The following MDN1 variants were observed in gnomAD, a reference collection of about 807,000 sequenced individuals.
The protein encoded by MDN1 is midasin AAA ATPase 1, also known as midasin.
In MDN1, 266 loss-of-function variants were observed where a neutral mutation model predicts 669.2. That is an observed-to-expected ratio of 0.40 (90% CI 0.36 to 0.44). The LOEUF is 0.44. MDN1 is among the 20% of genes least tolerant of loss of function. The pLI, the probability that MDN1 is intolerant of heterozygous loss-of-function variation, is 1.00. For missense variants in MDN1, 5,940 were observed against 6,754.0 expected (o/e 0.88, Z 4.22); for synonymous variants, 2,385 against 2,457.1 (o/e 0.97, Z 0.87).
Position 89,700,223 on chromosome 6 carries a change from C to T in MDN1, c.8710G>A (p.Glu2904Lys), listed in dbSNP as rs749929215. ...KAKGLSLGFL[E>K]KKHDEASSLS... ...GAGGAAGCTTCATCATGCTTTTTCT[C>T]CAGAAAACCAAGTGAGAGTCCTTTG... The change falls in exon 57 of 102, where the codon GAG (glutamate) becomes AAG (lysine). Residue 2904 changes from glutamate (E) to lysine (K), a missense_variant. Transcript: ENST00000369393. 7 of 1,614,042 alleles carry T rather than the reference C, an allele frequency of 4.3e-6. No individual in the cohort carries two copies. The highest frequency in any genetic ancestry group is 3.4e-6 in the Non-Finnish European group (4 of 1,180,034).
At position 89,656,772 on chromosome 6, in the gene MDN1, G is replaced by T; in HGVS notation, c.15213C>A (p.Asn5071Lys). The T allele has an allele frequency of 1.2e-6, 2 of 1,613,684 alleles. No homozygotes were observed. Among genetic ancestry groups the T allele is most frequent in the Non-Finnish European group, 8.5e-7 (1 of 1,179,768 alleles). ...AATTCGATTCATGGCCTTCTGCCTG[G>T]TTTGCATCTGCAGCTCCACTTCCGT... Reference protein sequence around the residue: ...EEHGSGAADANQAEGHESNFI... With the variant: ...EEHGSGAADAKQAEGHESNFI... Residue 5071 changes from asparagine to lysine, a missense_variant, in exon 91 of 102, where the codon AAC becomes AAA. Around this residue, in one of 5 missense-constraint regions of MDN1, gnomAD observed 2,280 missense variants for 2,576.3 expected, o/e 0.88. Transcript: ENST00000369393.
intron 53 of MDN1, among the ~76,000 whole-genome samples, chr6:89,703,419 A>G (rs767516894): frequency 4.6e-5 from 7 of 151,664 alleles, no homozygotes; most frequent in Admixed American, 6.6e-5. Context: ...TTAAATGTCT[A>G]TTCTTAAGAC....
intron 1 of MDN1, among the ~76,000 whole-genome samples, chr6:89,810,398 TGTAC>T (rs1190446597): frequency 6.6e-6 from 1 of 152,088 alleles, no homozygotes; most frequent in Non-Finnish European, 1.5e-5. Context: ...ATCGTGCCAC[TGTAC>T]TCTAGCCTGG....
At position 89,747,617 on chromosome 6, in the gene MDN1, C is replaced by T. The variant is rs541611155; in HGVS notation, c.3763-147G>A. ...GAATAAGATTAATTTTTTGGCCGGG[C>T]GTGGTGGCTCAAGCCTGTAATCCCA... is the stretch of plus-strand genomic sequence containing the variant. On this transcript the variant is annotated intron_variant, in intron 26 of 101. Transcript: ENST00000369393. 178 of 946,142 alleles carry T rather than the reference C, an allele frequency of 1.9e-4. 2 individuals are homozygous for T. The South Asian group carries it at 2.1e-3, about 11-fold the overall frequency. 58.6% of individuals were successfully genotyped at this position (946,142 alleles called of 1,614,324 possible).
rs1327827178 is a variant in MDN1 at position 89,672,641 on chromosome 6, G to C, written c.13536C>G (p.Ile4512Met). The change falls in exon 81 of 102, where the codon ATC (isoleucine) becomes ATG (methionine). Residue 4512 changes from isoleucine to methionine, a missense_variant. This residue lies in a region of MDN1 where 2,280 missense variants were observed against 2,576.3 expected (regional missense o/e 0.88). Coordinates refer to ENST00000369393, the MANE Select transcript of MDN1 (RefSeq NM_014611.3). ...EDFSEQMEIA[I>M]RAILCAIQNL... Reference sequence around the variant, plus strand: ...TCTGGATGGCACAGAGGATGGCTCGGATGGCAATTTCCATTTGCTCTGAAA... The same window carrying C: ...TCTGGATGGCACAGAGGATGGCTCGCATGGCAATTTCCATTTGCTCTGAAA... The C allele has an allele frequency of 1.9e-6, 3 of 1,613,938 alleles. No homozygotes were observed. Among genetic ancestry groups the C allele is most frequent in the Admixed American group, 1.7e-5 (1 of 59,996 alleles).
At chr6:89,659,657 A>C (rs1442053889) in intron 88 of MDN1, among the ~76,000 whole-genome samples, 2 of 152,238 alleles carry the variant, frequency 1.3e-5, no homozygotes, top group African/African-American at 4.8e-5. Context: ...ATAAACAAAC[A>C]AACAAACAAA....
chr6:89,703,080 G>A (rs1208435914), intron 53 of MDN1, among the ~76,000 whole-genome samples: 5 of 151,834 alleles, frequency 3.3e-5, no homozygotes, highest in African/African-American at 7.3e-5. Flanking sequence ...GATTACAGGC[G>A]CCTGCCACCA....
In MDN1 at chr6:89,644,010, G is replaced by C. The variant is rs1182797128; in HGVS notation, c.16786C>G (p.Pro5596Ala). ...TTTGGACTCTTCTTTCTGTTCTATG[G>C]GTGGTCAGAGGCTGTCACCAACTCA... ...WFELVTASDH[P>A] is the part of the protein sequence containing the mutation. The change falls in exon 102 of 102, where the codon CCA (proline) becomes GCA (alanine). Residue 5596 changes from proline (P) to alanine (A), a missense_variant. By Grantham distance (27) the Pro-to-Ala change is conservative. Around this residue, in one of 5 missense-constraint regions of MDN1, gnomAD observed 2,280 missense variants for 2,576.3 expected, o/e 0.88. Transcript: ENST00000369393. 1 of 1,608,894 alleles carries C rather than the reference G, an allele frequency of 6.2e-7. No individual in the cohort carries two copies. The highest frequency in any genetic ancestry group is 8.5e-7 in the Non-Finnish European group (1 of 1,177,410).
At chr6:89,682,573 T>C (rs1021753192) in intron 73 of MDN1, among the ~76,000 whole-genome samples, 4 of 151,312 alleles carry the variant, frequency 2.6e-5, no homozygotes, top group African/African-American at 9.7e-5. Context: ...CCAGGCGTGG[T>C]GGTGGGCACC....
At chr6:89,758,996 C>T in intron 17 of MDN1, 36 bp from the exon 18 acceptor site, 2 of 1,591,108 alleles carry the variant, frequency 1.3e-6, no homozygotes, top group Non-Finnish European at 1.7e-6. Flanking sequence ...AACAATGTGT[C>T]AAATAAAGGC....
At chr6:89,735,059 T>C (rs1030835616) in intron 33 of MDN1, among the ~76,000 whole-genome samples, 2 of 151,944 alleles carry the variant, frequency 1.3e-5, no homozygotes, top group Non-Finnish European at 2.9e-5. Flanking sequence ...CCCAGCTAAT[T>C]TTTGTATTTT....
chr6:89,790,697 C>T (rs1030761142), intron 5 of MDN1, among the ~76,000 whole-genome samples: 6 of 151,474 alleles, frequency 4.0e-5, no homozygotes, highest in African/African-American at 9.7e-5. Context: ...ACAGAGACCC[C>T]GACTCTAGAA....
At chr6:89,774,931 T>C (rs1818280506) in intron 12 of MDN1, among the ~76,000 whole-genome samples, 198 bp from the exon 13 acceptor site, 1 of 152,216 alleles carries the variant, frequency 6.6e-6, no homozygotes, top group Non-Finnish European at 1.5e-5. Context: ...ACATTTATCA[T>C]GTTTCCCTAA....
At position 89,673,222 on chromosome 6, in the gene MDN1, A is replaced by T. The variant is rs768002513; in HGVS notation, c.13474+14T>A. ...CACTGGACTTTCATTCCCTGACTGAACAATATTCCTTACCTCCTTGGCTAT... is the reference window on the plus strand; with the variant it reads ...CACTGGACTTTCATTCCCTGACTGATCAATATTCCTTACCTCCTTGGCTAT... On this transcript the variant is annotated intron_variant, in intron 80 of 101. Transcript: ENST00000369393. 23 of 1,597,832 alleles carry T rather than the reference A, an allele frequency of 1.4e-5. No homozygotes were observed. The South Asian group carries it at 2.5e-4, about 18-fold the overall frequency.
chr6:89,717,303 T>G (rs1435122738), intron 43 of MDN1, among the ~76,000 whole-genome samples: 3 of 152,238 alleles, frequency 2.0e-5, no homozygotes, highest in African/African-American at 7.2e-5. Context: ...AACTGTTTTA[T>G]GACCATTTTT....
At chr6:89,714,042 A>G (rs1376970574) in intron 46 of MDN1, among the ~76,000 whole-genome samples, 1 of 151,818 alleles carries the variant, frequency 6.6e-6, no homozygotes, top group Non-Finnish European at 1.5e-5. Flanking sequence ...CTGTCTCAAA[A>G]AAAAAGAAAA....
Position 89,667,874 on chromosome 6 carries a change from G to A in MDN1, c.14094+140C>T, listed in dbSNP as rs1352703415. On this transcript the variant is annotated intron_variant, in intron 84 of 101. Coordinates refer to ENST00000369393, the MANE Select transcript of MDN1 (RefSeq NM_014611.3). ...AGGCTTTTTATTTACACCCACTGCCGAAGCACCAATATATCTAGGGCTCTG... is the reference window on the plus strand; with the variant it reads ...AGGCTTTTTATTTACACCCACTGCCAAAGCACCAATATATCTAGGGCTCTG... The A allele has an allele frequency of 2.9e-5, 28 of 951,910 alleles. No homozygotes were observed. In the Admixed American group the frequency reaches 3.7e-4, roughly 13 times the overall value. The allele number at this position is 951,910 out of a possible 1,614,324, so 59.0% of individuals were successfully genotyped here. A position where few individuals can be genotyped will look rare whatever the true frequency, so the allele number is the denominator to read the frequency against.
chr6:89,784,984 G>A (rs755893687), intron 9 of MDN1, 28 bp downstream of exon 9: 1 of 1,448,614 alleles, frequency 6.9e-7, no homozygotes, highest in Non-Finnish European at 9.7e-7. Flanking sequence ...CACCTGGCCA[G>A]CATTGATACT....
intron 53 of MDN1, among the ~76,000 whole-genome samples, chr6:89,705,769 A>G (rs1562117245): frequency 6.6e-6 from 1 of 152,194 alleles, no homozygotes; most frequent in Non-Finnish European, 1.5e-5. Context: ...GGAATGAGGA[A>G]ACCTTTGGGG....
Sources: allele counts gnomAD v4.1 joint callset (sites outside exome capture counted in the v4.1 genomes callset), GRCh38; gene constraint gnomAD v4.1.1; regional missense constraint gnomAD v4.1.1; transcripts MANE v1.5; gene names NCBI Gene and HGNC (gene_info 2026-07-23, HGNC 2026-07-21).